The following SDK1 variants were observed in gnomAD, a reference collection of about 807,000 sequenced individuals.
SDK1 encodes the protein protein sidekick-1.
SDK1 carries 157 observed loss-of-function variants against 245.5 expected under a neutral mutation model. That is an observed-to-expected ratio of 0.64 (90% CI 0.56 to 0.73). The LOEUF (loss-of-function observed/expected upper bound fraction) is 0.73. SDK1 is among the 30% of genes least tolerant of loss of function. The pLI is 0.00. For missense variants in SDK1, 3,583 were observed against 3,002.3 expected, an observed-to-expected ratio of 1.19 and a Z score of -4.52; for synonymous variants, 1,647 against 1,278.5, an observed-to-expected ratio of 1.29 and a Z score of -6.15.
intron 25 of SDK1, among the ~76,000 whole-genome samples, chr7:4,120,024 T>C (rs1298087618): frequency 1.3e-5 from 2 of 148,922 alleles, no homozygotes; most frequent in Non-Finnish European, 3.0e-5. Context: ...TCATTGAAAA[T>C]GAAAGCAGTT....
At chr7:3,392,069 C>A (rs761934249) in intron 1 of SDK1, among the ~76,000 whole-genome samples, 1 of 151,686 alleles carries the variant, frequency 6.6e-6, no homozygotes, top group Non-Finnish European at 1.5e-5. Context: ...GTACCACATT[C>A]ATGATAGAAA....
At chr7:3,638,739 C>G (rs1021265528) in intron 2 of SDK1, among the ~76,000 whole-genome samples, 4 of 150,432 alleles carry the variant, frequency 2.7e-5, no homozygotes, top group African/African-American at 7.4e-5. Context: ...ACATATGTAA[C>G]TAACCTGCAC....
At chr7:4,169,404 C>T (rs1013116398) in intron 32 of SDK1, among the ~76,000 whole-genome samples, 10 of 152,208 alleles carry the variant, frequency 6.6e-5, no homozygotes, top group African/African-American at 2.4e-4. Context: ...GCCCCTCGCT[C>T]CCGTCTAGTG....
intron 4 of SDK1, among the ~76,000 whole-genome samples, chr7:3,690,831 G>C (rs1201512991): frequency 6.6e-6 from 1 of 152,106 alleles, no homozygotes; most frequent in Non-Finnish European, 1.5e-5. Context: ...AAATTTAAAA[G>C]TAATACTTTG....
chr7:3,728,225 A>T (rs529417093), intron 4 of SDK1, among the ~76,000 whole-genome samples: 1 of 152,188 alleles, frequency 6.6e-6, no homozygotes, highest in Non-Finnish European at 1.5e-5. Flanking sequence ...TCTCCACTGT[A>T]AAGTTACTCC....
chr7:3,428,106 T>G (rs1264184134), intron 1 of SDK1, among the ~76,000 whole-genome samples: 1 of 152,200 alleles, frequency 6.6e-6, no homozygotes, highest in Non-Finnish European at 1.5e-5. Flanking sequence ...AGCACAACTA[T>G]ATGCTTTTCT....
chr7:3,766,567 C>T (rs903443222), intron 4 of SDK1, among the ~76,000 whole-genome samples: 3 of 152,014 alleles, frequency 2.0e-5, no homozygotes, highest in Admixed American at 1.3e-4. Context: ...AATAATATAA[C>T]GTGAGATACT....
intron 5 of SDK1, among the ~76,000 whole-genome samples, chr7:3,839,883 AGAAGT>A (rs1780115777): frequency 6.6e-6 from 1 of 152,332 alleles, no homozygotes; most frequent in South Asian, 2.1e-4. Flanking sequence ...TTTGCTATAA[AGAAGT>A]GTAGTACAGT....
intron 19 of SDK1, 34 bp downstream of exon 19, chr7:4,051,864 C>G (rs2128166880): frequency 1.9e-6 from 3 of 1,576,474 alleles, no homozygotes; most frequent in Non-Finnish European, 2.6e-6. Flanking sequence ...TCTTAAGTCA[C>G]TTGTCAAAGA....
At chr7:3,615,983 C>A (rs1781756696) in intron 1 of SDK1, among the ~76,000 whole-genome samples, 1 of 151,910 alleles carries the variant, frequency 6.6e-6, no homozygotes, top group Admixed American at 6.6e-5. Flanking sequence ...TTCCTTGGGT[C>A]AAGTAATCCC....
chr7:3,505,850 G>A (rs1241872849), intron 1 of SDK1, among the ~76,000 whole-genome samples: 1 of 152,224 alleles, frequency 6.6e-6, no homozygotes, highest in South Asian at 2.1e-4. Context: ...GCCATGGGAG[G>A]TCCTGGAACC....
intron 1 of SDK1, among the ~76,000 whole-genome samples, chr7:3,452,383 A>C (rs2128592012): frequency 6.6e-6 from 1 of 152,276 alleles, no homozygotes; most frequent in African/African-American, 2.4e-5. Context: ...TGAGTGATGT[A>C]CCCTTCCATT....
intron 38 of SDK1, among the ~76,000 whole-genome samples, chr7:4,219,486 C>T (rs116314103): frequency 2.5e-4 from 38 of 152,300 alleles, no homozygotes; most frequent in African/African-American, 7.2e-4. Flanking sequence ...AGAGCATGTG[C>T]GGAGAACCTC....
intron 1 of SDK1, among the ~76,000 whole-genome samples, chr7:3,376,443 AATC>A (rs150986818): frequency 0.022 from 3,407 of 152,276 alleles, 135 homozygotes; most frequent in African/African-American, 0.077. Context: ...AACTCTTAAA[AATC>A]AGTAAGAAGA....
intron 44 of SDK1, among the ~76,000 whole-genome samples, chr7:4,246,773 C>G (rs1002480837): frequency 6.6e-6 from 1 of 152,146 alleles, no homozygotes; most frequent in African/African-American, 2.4e-5. Context: ...GTGTCAGCCT[C>G]CACGCGCTCC....
rs559019612 is a variant in SDK1 at position 3,737,227 on chromosome 7, C to T, written c.714-84223C>T. Among the ~76,000 whole-genome samples the T allele has an allele frequency of 3.9e-4, 60 of 152,282 alleles. 1 individual carries two copies. Among genetic ancestry groups the T allele is most frequent in the East Asian group, 1.4e-3 (7 of 5,156 alleles). Reference sequence around the variant, plus strand: ...CTGGGCAGGGCCATAGGCTGGGCTCCGCAGTTGGACCGGACTGCTGTCTGG... The same window carrying T: ...CTGGGCAGGGCCATAGGCTGGGCTCTGCAGTTGGACCGGACTGCTGTCTGG... On this transcript the variant is annotated intron_variant, in intron 4 of 44. Transcript: ENST00000404826.
intron 1 of SDK1, among the ~76,000 whole-genome samples, chr7:3,384,411 T>C (rs1047290125): frequency 1.3e-5 from 2 of 152,220 alleles, no homozygotes; most frequent in African/African-American, 4.8e-5. Context: ...AAAAGGATTC[T>C]GTGGTTCAAT....
chr7:3,785,036 A>G (rs1780856461), intron 4 of SDK1, among the ~76,000 whole-genome samples: 2 of 152,222 alleles, frequency 1.3e-5, no homozygotes, highest in African/African-American at 4.8e-5. Context: ...AAATGAAGGA[A>G]ATGCTTTCAT....
chr7:3,527,423 A>AG (rs1162453066), intron 1 of SDK1, among the ~76,000 whole-genome samples: 1 of 152,178 alleles, frequency 6.6e-6, no homozygotes, highest in Admixed American at 6.5e-5. Flanking sequence ...TTTCAAGCAG[A>AG]GACCTGATTG....
Sources: allele counts gnomAD v4.1 joint callset (sites outside exome capture counted in the v4.1 genomes callset), GRCh38; gene constraint gnomAD v4.1.1; transcripts MANE v1.5; gene names NCBI Gene and HGNC (gene_info 2026-07-23, HGNC 2026-07-21).